PRKCB: variants seen among roughly 807,000 people sequenced by gnomAD.
The protein encoded by PRKCB is protein kinase C beta.
Under a neutral mutation model 81.5 loss-of-function variants are expected in PRKCB, and 13 were observed. The observed-to-expected ratio is 0.16, with a 90% confidence interval of 0.10 to 0.25. PRKCB has a LOEUF of 0.25. Ranked by LOEUF, PRKCB falls within the 10% of genes least tolerant of loss-of-function variation. The pLI is 1.00. For synonymous variants in PRKCB, 335 were observed against 321.4 expected, an observed-to-expected ratio of 1.04 and a Z score of -0.45; for missense variants, 509 against 875.7, an observed-to-expected ratio of 0.58 and a Z score of 5.29.
rs750776717 is a variant in PRKCB, at chr16:23,866,972, TCCTTCCCTTCCTTCCCTTCCTTCCCTTC to T, written c.205+29568_205+29595del. ...CCTTTCTTCCTTCCCTTCCTTCCCT[TCCTTCCCTTCCTTCCCTTCCTTCCCTTC>T]CTTCCTTCCTTCCTTCCTTCCTTCC... On this transcript the variant is annotated intron_variant, in intron 2 of 16. Transcript: ENST00000643927. Among the ~76,000 whole-genome samples, 131 of 89,158 alleles carry T rather than the reference TCCTTCCCTTCCTTCCCTTCCTTCCCTTC, an allele frequency of 1.5e-3. 2 individuals are homozygous for T. Among genetic ancestry groups the T allele is most frequent in the South Asian group, 3.9e-3 (8 of 2,044 alleles). The allele number at this position is 89,158 out of a possible 152,430, so 58.5% of individuals were successfully genotyped here. A position where few individuals can be genotyped will look rare whatever the true frequency, so the allele number is the denominator to read the frequency against.
chr16:24,052,634 G>A (rs995833131), intron 5 of PRKCB, among the ~76,000 whole-genome samples: 3 of 152,104 alleles, frequency 2.0e-5, no homozygotes, highest in Admixed American at 6.5e-5. Flanking sequence ...ACTTCCTGAC[G>A]TTGCCATGAC....
chr16:24,154,953 A>C, intron 10 of PRKCB, 96 bp downstream of exon 10: 1 of 1,364,224 alleles, frequency 7.3e-7, no homozygotes, highest in Non-Finnish European at 1.0e-6. Context: ...AGATACCTGC[A>C]CCCTTCCCTT....
intron 2 of PRKCB, among the ~76,000 whole-genome samples, chr16:23,901,430 G>T (rs1963470324): frequency 6.6e-6 from 1 of 152,126 alleles, no homozygotes. Flanking sequence ...ATCTCACTAC[G>T]CAGACTGGAA....
At chr16:23,887,343 C>T (rs114434557) in intron 2 of PRKCB, among the ~76,000 whole-genome samples, 3 of 152,046 alleles carry the variant, frequency 2.0e-5, no homozygotes, top group Admixed American at 6.6e-5. Flanking sequence ...AAACCGTTAC[C>T]CCCTTCTCTC....
At chr16:24,134,606 G>A (rs772260283) in intron 9 of PRKCB, among the ~76,000 whole-genome samples, 18 of 152,052 alleles carry the variant, frequency 1.2e-4, no homozygotes, top group African/African-American at 2.9e-4. Flanking sequence ...AAAATTAGCC[G>A]GGCGTGGTGG....
At chr16:24,192,646 G>A (rs1023036479) in intron 16 of PRKCB, among the ~76,000 whole-genome samples, 1 of 152,146 alleles carries the variant, frequency 6.6e-6, no homozygotes, top group African/African-American at 2.4e-5. Context: ...CGGACATCTG[G>A]GGGTCATGTT....
At chr16:23,952,380 T>G (rs1301292551) in intron 2 of PRKCB, among the ~76,000 whole-genome samples, 1 of 152,246 alleles carries the variant, frequency 6.6e-6, no homozygotes, top group Non-Finnish European at 1.5e-5. Context: ...CTCTTAGTGC[T>G]GCATATTCTG....
chr16:24,036,770 G>C (rs975507219), intron 5 of PRKCB, among the ~76,000 whole-genome samples: 1 of 152,104 alleles, frequency 6.6e-6, no homozygotes, highest in Non-Finnish European at 1.5e-5. Flanking sequence ...GGGAAATCCC[G>C]CAGTTTCAGG....
At chr16:23,902,287 A>C (rs1453850417) in intron 2 of PRKCB, among the ~76,000 whole-genome samples, 1 of 152,168 alleles carries the variant, frequency 6.6e-6, no homozygotes, top group Non-Finnish European at 1.5e-5. Flanking sequence ...TAACCTTTTA[A>C]TTTTTGGAAT....
intron 5 of PRKCB, among the ~76,000 whole-genome samples, chr16:24,088,621 C>G (rs1289680931): frequency 1.3e-5 from 2 of 150,268 alleles, no homozygotes; most frequent in African/African-American, 4.9e-5. Context: ...CCCAGCTATT[C>G]AGGGTGCTGA....
At chr16:24,096,085 C>T (rs750318289) in intron 7 of PRKCB, among the ~76,000 whole-genome samples, 3 of 152,028 alleles carry the variant, frequency 2.0e-5, no homozygotes, top group East Asian at 1.9e-4. Flanking sequence ...ATCACGAGAT[C>T]GGGAGATCGA....
At chr16:23,975,552 G>C (rs776704362) in intron 2 of PRKCB, among the ~76,000 whole-genome samples, 3 of 152,132 alleles carry the variant, frequency 2.0e-5, no homozygotes, top group Non-Finnish European at 4.4e-5. Flanking sequence ...CATAGTTCCT[G>C]GCTGACTCTC....
chr16:24,061,276 A>G (rs1052786511), intron 5 of PRKCB, among the ~76,000 whole-genome samples: 2 of 152,056 alleles, frequency 1.3e-5, no homozygotes, highest in African/African-American at 2.4e-5. Flanking sequence ...GGCCAGGCTG[A>G]TCTCAAACTC....
chr16:24,188,531 C>T (rs78424166), intron 15 of PRKCB, among the ~76,000 whole-genome samples: 5,411 of 152,116 alleles, frequency 0.036, 130 homozygotes, highest in Middle Eastern at 0.068. Context: ...AAACAGTCAC[C>T]TGTTTAATTG....
At chr16:24,193,476 T>TAAATAAATAAATAAATAAATA (rs1555501795) in intron 16 of PRKCB, among the ~76,000 whole-genome samples, 28 of 139,890 alleles carry the variant, frequency 2.0e-4, no homozygotes, top group African/African-American at 6.4e-4. Flanking sequence ...AATAAATAAA[T>TAAATAAATAAATAAATAAATA]AAATAAATAA....
chr16:23,952,419 C>A (rs951663282), intron 2 of PRKCB, among the ~76,000 whole-genome samples: 2 of 152,216 alleles, frequency 1.3e-5, no homozygotes, highest in Non-Finnish European at 2.9e-5. Flanking sequence ...TTTAAAAAAT[C>A]TCTCAGAGGA....
At chr16:24,186,213 C>A (rs558280070) in intron 15 of PRKCB, among the ~76,000 whole-genome samples, 2 of 152,248 alleles carry the variant, frequency 1.3e-5, no homozygotes, top group South Asian at 4.1e-4. Context: ...TGTGTTGGAC[C>A]AGGGCATACT....
At position 23,961,095 on chromosome 16, in the gene PRKCB, A is replaced by C. The variant is rs535745562; in HGVS notation, c.206-27413A>C. Among the ~76,000 whole-genome samples, 9 of 152,116 alleles carry C rather than the reference A, an allele frequency of 5.9e-5. No homozygotes were observed. The South Asian group carries it at 1.9e-3, about 32-fold the overall frequency. ...TTTTTGCTTATTTTTTTTTTTAAGA[A>C]ATGAGGTCTCATTATGTTGCGCAGA... On this transcript the variant is annotated intron_variant, in intron 2 of 16. Transcript: ENST00000643927.
At chr16:23,856,928 A>G (rs1033859051) in intron 2 of PRKCB, among the ~76,000 whole-genome samples, 1 of 152,154 alleles carries the variant, frequency 6.6e-6, no homozygotes, top group African/African-American at 2.4e-5. Flanking sequence ...TAGTTCGAAT[A>G]TCACTGTGAA....
Sources: gnomAD v4.1 joint callset for allele counts (sites outside exome capture counted in the v4.1 genomes callset) on GRCh38, gnomAD v4.1.1 for gene constraint, MANE v1.5 for transcripts, NCBI Gene and HGNC (gene_info 2026-07-23, HGNC 2026-07-21) for gene names.